PTPRD: variants seen among roughly 807,000 people sequenced by gnomAD.
PTPRD encodes protein tyrosine phosphatase receptor type D, also known as receptor-type tyrosine-protein phosphatase delta.
PTPRD carries 34 observed loss-of-function variants against 214.5 expected under a neutral mutation model. The ratio of observed to expected loss-of-function variants is 0.16; its 90% CI spans 0.12 to 0.21. The LOEUF is 0.21. PTPRD is among the 10% of genes least tolerant of loss of function. The pLI, the probability that PTPRD is intolerant of heterozygous loss-of-function variation, is 1.00. For missense variants in PTPRD, 2,545 were observed against 2,398.7 expected (o/e 1.06, Z -1.27); for synonymous variants, 1,128 against 845.7 (o/e 1.33, Z -5.79).
At chr9:9,760,747 A>T (rs2098647563) in intron 6 of PTPRD, among the ~76,000 whole-genome samples, 2 of 152,148 alleles carry the variant, frequency 1.3e-5, no homozygotes, top group Non-Finnish European at 2.9e-5. Flanking sequence ...CTACATGAAG[A>T]TTTCACTGAA....
chr9:10,089,847 T>C (rs2098407477), intron 3 of PTPRD, among the ~76,000 whole-genome samples: 1 of 151,614 alleles, frequency 6.6e-6, no homozygotes, highest in Non-Finnish European at 1.5e-5. Context: ...AGTTCAAGGG[T>C]AGAACCATCA....
intron 5 of PTPRD, among the ~76,000 whole-genome samples, chr9:9,840,761 C>CAAAAAAAAAAA (rs59780411): frequency 8.1e-5 from 5 of 61,620 alleles, no homozygotes; most frequent in Non-Finnish European, 1.1e-4. Flanking sequence ...GACTCCGTTT[C>CAAAAAAAAAAA]AAAAAAAAAA....
At chr9:9,237,154 C>A (rs142130773) in intron 9 of PTPRD, among the ~76,000 whole-genome samples, 14 of 152,260 alleles carry the variant, frequency 9.2e-5, no homozygotes, top group African/African-American at 3.4e-4. Context: ...TGATTTCCTT[C>A]TTAGTTGGAA....
At chr9:10,604,696 G>C (rs1004154942) in intron 2 of PTPRD, among the ~76,000 whole-genome samples, 2 of 151,790 alleles carry the variant, frequency 1.3e-5, no homozygotes, top group Non-Finnish European at 2.9e-5. Context: ...ATTCAGAGGA[G>C]TTGCCACTGG....
intron 11 of PTPRD, among the ~76,000 whole-genome samples, chr9:8,983,709 G>A (rs1185934950): frequency 6.6e-6 from 1 of 151,588 alleles, no homozygotes; most frequent in African/African-American, 2.4e-5. Context: ...GTAGAGACAG[G>A]GTCTCATTAT....
At chr9:9,147,215 T>C (rs2099870082) in intron 10 of PTPRD, among the ~76,000 whole-genome samples, 1 of 151,282 alleles carries the variant, frequency 6.6e-6, no homozygotes, top group Admixed American at 6.6e-5. Context: ...AAAACCTGAA[T>C]AATGATAAAT....
In PTPRD at chr9:10,563,339, GA is replaced by G. The variant is rs1335612056; in HGVS notation, c.-600+49058del. On this transcript the variant is annotated intron_variant, in intron 2 of 45. Coordinates refer to ENST00000381196, the MANE Select transcript of PTPRD (RefSeq NM_002839.4). ...GCCATTCATCATGGATTCAGGTCAG[GA>G]AAATAGCCAGAAGGAAGAAATGAGA... 1.3e-5 allele frequency among the ~76,000 whole-genome samples: 2 copies of G among 152,068 alleles called. 1 individual carries two copies. The highest frequency in any genetic ancestry group is 3.9e-4 in the East Asian group (2 of 5,182).
At chr9:9,542,605 G>T (rs2077856688) in intron 8 of PTPRD, among the ~76,000 whole-genome samples, 1 of 151,618 alleles carries the variant, frequency 6.6e-6, no homozygotes, top group African/African-American at 2.4e-5. Context: ...TAAAGAACTT[G>T]ACAAATCAAT....
chr9:9,587,424 T>C (rs543865445), intron 7 of PTPRD, among the ~76,000 whole-genome samples: 1 of 152,078 alleles, frequency 6.6e-6, no homozygotes, highest in Non-Finnish European at 1.5e-5. Flanking sequence ...CCCATGGGCA[T>C]AGATCTAGAT....
chr9:9,716,624 A>G (rs972395296), intron 7 of PTPRD, among the ~76,000 whole-genome samples: 1 of 152,008 alleles, frequency 6.6e-6, no homozygotes, highest in Admixed American at 6.6e-5. Flanking sequence ...GCATTTTTTC[A>G]TGTGTTTTTT....
chr9:9,152,662 C>T (rs2099877838), intron 10 of PTPRD, among the ~76,000 whole-genome samples: 2 of 152,154 alleles, frequency 1.3e-5, no homozygotes, highest in South Asian at 2.1e-4. Context: ...TCGAATATTG[C>T]TGTGGCGCTG....
intron 11 of PTPRD, among the ~76,000 whole-genome samples, chr9:8,939,565 G>C (rs1567131538): frequency 2.2e-5 from 1 of 45,210 alleles, no homozygotes; most frequent in Non-Finnish European, 5.6e-5. Flanking sequence ...TGTGTATGTT[G>C]ATATATACAT....
intron 9 of PTPRD, among the ~76,000 whole-genome samples, chr9:9,229,823 T>A (rs1012620152): frequency 2.0e-5 from 3 of 152,012 alleles, no homozygotes; most frequent in Non-Finnish European, 4.4e-5. Context: ...AACAAATTTA[T>A]CATTGTGAAC....
Position 10,212,425 on chromosome 9 carries a change from C to T in PTPRD, c.-545+128538G>A, listed in dbSNP as rs2099521671. 1.3e-5 allele frequency among the ~76,000 whole-genome samples: 2 copies of T among 152,050 alleles called. 1 individual carries two copies. On this transcript the variant is annotated intron_variant, in intron 3 of 45. Transcript: ENST00000381196. ...CCAAAAGAGCAGAATATGTATGTTC[C>T]ATATGATTAAGTCAGTTTGAAGACA...
At chr9:8,726,500 G>A (rs1437910288) in intron 12 of PTPRD, among the ~76,000 whole-genome samples, 2 of 146,492 alleles carry the variant, frequency 1.4e-5, no homozygotes, top group Non-Finnish European at 3.0e-5. Context: ...GGGAGGCTGA[G>A]GCAGGTGGAT....
chr9:8,741,632 G>A (rs2091961840), intron 11 of PTPRD, among the ~76,000 whole-genome samples: 1 of 123,804 alleles, frequency 8.1e-6, no homozygotes, highest in South Asian at 2.5e-4. Context: ...TGCCCAAGCT[G>A]GAGTGCAGTG....
At chr9:9,346,945 G>A (rs140693845) in intron 9 of PTPRD, among the ~76,000 whole-genome samples, 5 of 151,958 alleles carry the variant, frequency 3.3e-5, no homozygotes, top group Admixed American at 6.6e-5. Context: ...CGCCCACCTC[G>A]GCCTTCTAAA....
intron 4 of PTPRD, among the ~76,000 whole-genome samples, chr9:9,983,207 G>C (rs2095603655): frequency 6.6e-6 from 1 of 152,174 alleles, no homozygotes; most frequent in Non-Finnish European, 1.5e-5. Context: ...GCTAGTGCTG[G>C]TAGCAGCAGA....
chr9:9,304,637 T>C (rs918831992), intron 9 of PTPRD, among the ~76,000 whole-genome samples: 1 of 151,522 alleles, frequency 6.6e-6, no homozygotes, highest in Admixed American at 6.6e-5. Flanking sequence ...TAGTATCTTA[T>C]TTTCTCTAGA....
Sources: gnomAD v4.1 joint callset for allele counts (sites outside exome capture counted in the v4.1 genomes callset) on GRCh38, gnomAD v4.1.1 for gene constraint, MANE v1.5 for transcripts, NCBI Gene and HGNC (gene_info 2026-07-23, HGNC 2026-07-21) for gene names.